ARHGEF7: variants seen among roughly 807,000 people sequenced by gnomAD.
ARHGEF7 encodes the protein PAK-interacting exchange factor beta.
Under a neutral mutation model 109.8 loss-of-function variants are expected in ARHGEF7, and 33 were observed. The observed-to-expected ratio is 0.30, with a 90% confidence interval of 0.23 to 0.40. The LOEUF (loss-of-function observed/expected upper bound fraction) is 0.40, where lower values mean the gene tolerates loss of function less well. ARHGEF7 is among the 10% of genes least tolerant of loss of function. The pLI is 1.00. For missense variants in ARHGEF7, 938 were observed against 1,098.5 expected (o/e 0.85, Z 2.07); for synonymous variants, 458 against 424.6 (o/e 1.08, Z -0.97).
chr13:111,178,651 G>A (rs2078405313), intron 2 of ARHGEF7, among the ~76,000 whole-genome samples: 1 of 152,212 alleles, frequency 6.6e-6, no homozygotes, highest in South Asian at 2.1e-4. Flanking sequence ...GGCATGGTGA[G>A]GAGTGCCAGC....
At chr13:111,268,111 T>TA (rs1284854614) in intron 9 of ARHGEF7, among the ~76,000 whole-genome samples, 1 of 152,218 alleles carries the variant, frequency 6.6e-6, no homozygotes, top group South Asian at 2.1e-4. Flanking sequence ...ATCCTGAAAC[T>TA]AAAAACAAGT....
chr13:111,246,520 A>C (rs2088874235), intron 8 of ARHGEF7, among the ~76,000 whole-genome samples: 1 of 152,212 alleles, frequency 6.6e-6, no homozygotes, highest in Non-Finnish European at 1.5e-5. Flanking sequence ...TCGATATGGC[A>C]AGGAAAGCTG....
chr13:111,116,384 C>G (rs1159646575), intron 1 of ARHGEF7: 1 of 152,684 alleles, frequency 6.5e-6, no homozygotes, highest in Non-Finnish European at 1.5e-5. Context: ...TCCCTTCCGG[C>G]TGGTGGTTCC....
In ARHGEF7 at chr13:111,152,235, TTC is replaced by T. The variant is rs199535994; in HGVS notation, c.166-1668_166-1667del. Among the ~76,000 whole-genome samples, 1,087 of 152,360 alleles carry T rather than the reference TTC, an allele frequency of 7.1e-3. 12 individuals are homozygous for T. The highest frequency in any genetic ancestry group is 0.025 in the African/African-American group (1,037 of 41,578). ...TTAGATGGAGAAATGGGTATTATGT[TTC>T]TATTACACTTAGATTCTATTGGATA... is the stretch of plus-strand genomic sequence containing the variant. On this transcript the variant is annotated intron_variant, in intron 1 of 21. Transcript: ENST00000646102.
At chr13:111,295,235 C>T in intron 19 of ARHGEF7, 1 of 981,734 alleles carries the variant, frequency 1.0e-6, no homozygotes, top group Non-Finnish European at 1.2e-6. Context: ...AGGGGAATAG[C>T]ATAGTTTGCA....
At chr13:111,294,371 A>G in intron 19 of ARHGEF7, 1 of 985,462 alleles carries the variant, frequency 1.0e-6, no homozygotes, top group Non-Finnish European at 1.2e-6. Context: ...TGTGTAGACC[A>G]CAACACTCAA....
chr13:111,165,777 C>T (rs1187918906), intron 2 of ARHGEF7, among the ~76,000 whole-genome samples: 1 of 152,156 alleles, frequency 6.6e-6, no homozygotes, highest in Non-Finnish European at 1.5e-5. Flanking sequence ...CATAGTCTCT[C>T]ATTTTCTAGC....
chr13:111,233,355 T>G, intron 6 of ARHGEF7, 62 bp downstream of exon 6: 1 of 1,285,262 alleles, frequency 7.8e-7, no homozygotes, highest in Non-Finnish European at 1.1e-6. Context: ...AACTCAGCAA[T>G]GTAGAATGTA....
intron 2 of ARHGEF7, among the ~76,000 whole-genome samples, chr13:111,163,817 G>A (rs1485847282): frequency 2.0e-5 from 3 of 152,196 alleles, no homozygotes; most frequent in South Asian, 2.1e-4. Flanking sequence ...TTATAGGCAT[G>A]AGCCGCTGTA....
intron 2 of ARHGEF7, among the ~76,000 whole-genome samples, chr13:111,154,695 C>T (rs566625700): frequency 6.6e-6 from 1 of 152,146 alleles, no homozygotes; most frequent in Admixed American, 6.5e-5. Context: ...GTGGCAGTTT[C>T]TGGGAATTTA....
Position 111,303,045 on chromosome 13 carries a change from C to A in ARHGEF7, c.2521C>A (p.Leu841Met). 1 of 1,614,120 alleles carries A rather than the reference C, an allele frequency of 6.2e-7. No individual in the cohort carries two copies. Among genetic ancestry groups the A allele is most frequent in the Non-Finnish European group, 8.5e-7 (1 of 1,179,996 alleles). Residue 841 changes from leucine (L) to methionine (M), a missense_variant, in exon 22 of 22, where the codon CTG becomes ATG. Transcript: ENST00000646102. Reference protein sequence around the residue: ...LEEEQRARKDLEKLVRKVLKN... With the variant: ...LEEEQRARKDMEKLVRKVLKN... ...GGAAGAACAGAGAGCCCGCAAAGACCTGGAGAAGCTGGTGAGGAAAGTCCT... is the reference window on the plus strand; with the variant it reads ...GGAAGAACAGAGAGCCCGCAAAGACATGGAGAAGCTGGTGAGGAAAGTCCT...
At chr13:111,211,399 A>AT (rs200127570) in intron 4 of ARHGEF7, among the ~76,000 whole-genome samples, 3,241 of 151,816 alleles carry the variant, frequency 0.021, 120 homozygotes, top group African/African-American at 0.075. Context: ...TTTTCATCTG[A>AT]TTTTTTTTTC....
chr13:111,160,810 TC>T (rs1199827978), intron 2 of ARHGEF7, among the ~76,000 whole-genome samples: 1 of 152,202 alleles, frequency 6.6e-6, no homozygotes, highest in African/African-American at 2.4e-5. Context: ...TCCTCACCCT[TC>T]TGTCTCCTGC....
rs529740452 is a variant in ARHGEF7 at position 111,279,799 on chromosome 13, G to C, written c.1507-473G>C. On this transcript the variant is annotated intron_variant, in intron 13 of 21. Transcript: ENST00000646102. ...AACTACTTATTTTCTGTTTTACAAA[G>C]TAGAATGTTATGAAATTCTTGTTCT... Among the ~76,000 whole-genome samples, 3 of 152,194 alleles carry C rather than the reference G, an allele frequency of 2.0e-5. No homozygotes were observed. The South Asian group carries it at 6.2e-4, about 31-fold the overall frequency.
At chr13:111,184,403 A>G (rs1036730164) in intron 2 of ARHGEF7, among the ~76,000 whole-genome samples, 1 of 152,156 alleles carries the variant, frequency 6.6e-6, no homozygotes, top group Non-Finnish European at 1.5e-5. Flanking sequence ...CTTTGGCTAG[A>G]GAGGATAGGT....
At chr13:111,179,790 C>T (rs1018654239) in intron 2 of ARHGEF7, among the ~76,000 whole-genome samples, 1 of 152,178 alleles carries the variant, frequency 6.6e-6, no homozygotes, top group African/African-American at 2.4e-5. Flanking sequence ...GCATGCCCTA[C>T]AGTCTGGACA....
rs1252259639 is a variant in ARHGEF7 at position 111,228,698 on chromosome 13, C to T, written c.671-4507C>T. ...GGGTGCATGTGGTTCAGGAAAGCGGCAGGCAGACACTGCTGAGCACGGGCA... is the reference window on the plus strand; with the variant it reads ...GGGTGCATGTGGTTCAGGAAAGCGGTAGGCAGACACTGCTGAGCACGGGCA... On this transcript the variant is annotated intron_variant, in intron 5 of 21. Transcript: ENST00000646102. The surrounding 1 kb of genome is among the most constrained non-coding windows in gnomAD (Gnocchi z 4.6). Among the ~76,000 whole-genome samples the T allele has an allele frequency of 6.6e-6, 1 of 152,040 alleles. No individual in the cohort carries two copies. The highest frequency in any genetic ancestry group is 2.4e-5 in the African/African-American group (1 of 41,400).
At chr13:111,174,353 A>G (rs1281287929) in intron 2 of ARHGEF7, among the ~76,000 whole-genome samples, 1 of 152,196 alleles carries the variant, frequency 6.6e-6, no homozygotes, top group Non-Finnish European at 1.5e-5. Context: ...CCTGTTGTGT[A>G]TTGGCATCTT....
chr13:111,260,084 A>C (rs2090921244), intron 8 of ARHGEF7, among the ~76,000 whole-genome samples: 1 of 152,224 alleles, frequency 6.6e-6, no homozygotes. Context: ...AGAAAGAATC[A>C]AAAACAATGA....
Sources: gnomAD v4.1 joint callset for allele counts (sites outside exome capture counted in the v4.1 genomes callset) on GRCh38, gnomAD v4.1.1 for gene constraint, Gnocchi (gnomAD v3.1) non-coding constraint, MANE v1.5 for transcripts, NCBI Gene and HGNC (gene_info 2026-07-23, HGNC 2026-07-21) for gene names.